Variants in VSX1 observed in about 807,000 individuals in gnomAD.
VSX1 encodes the protein homeodomain protein RINX.
VSX1 carries 23 observed loss-of-function variants against 23.6 expected under a neutral mutation model. The observed-to-expected ratio is 0.97, with a 90% CI of 0.70 to 1.38. The LOEUF (loss-of-function observed/expected upper bound fraction) is 1.38. VSX1 is among the 40% of genes most tolerant of loss of function. VSX1 has a pLI of 0.00. For synonymous variants in VSX1, 247 were observed against 215.1 expected (o/e 1.15, Z -1.30); for missense variants, 517 against 495.4 (o/e 1.04, Z -0.41).
intron 1 of VSX1, among the ~76,000 whole-genome samples, chr20:25,080,419 C>G (rs1463314906): frequency 6.6e-6 from 1 of 152,164 alleles, no homozygotes; most frequent in Non-Finnish European, 1.5e-5. Flanking sequence ...CCAGTAAGAT[C>G]AAGACATGCT....
chr20:25,081,343 C>T (rs550301891), intron 1 of VSX1: 3 of 593,492 alleles, frequency 5.1e-6, no homozygotes, highest in South Asian at 1.4e-5. Flanking sequence ...CGGAGACTGG[C>T]GCCTGGCGCT....
At chr20:25,073,670 C>G (rs4813546), downstream of VSX1, among the ~76,000 whole-genome samples, 44,596 of 152,042 alleles carry the variant, frequency 0.29, 7,537 homozygotes, top group African/African-American at 0.45. Flanking sequence ...GAGTGAGAGA[C>G]GGTCTGCTAG....
At chr20:25,074,205 G>A (rs1260345417), downstream of VSX1, among the ~76,000 whole-genome samples, 1 of 152,188 alleles carries the variant, frequency 6.6e-6, no homozygotes, top group Admixed American at 6.5e-5. Context: ...AGAAAAATGA[G>A]TGTTCTGCTG....
chr20:25,079,945 T>C (rs969875329), intron 1 of VSX1, among the ~76,000 whole-genome samples: 3 of 152,134 alleles, frequency 2.0e-5, no homozygotes, highest in South Asian at 4.1e-4. Flanking sequence ...CCCAGCCTCA[T>C]CATCTTAACC....
At chr20:25,081,207 C>T (rs1212245088) in intron 1 of VSX1, among the ~76,000 whole-genome samples, 1 of 150,930 alleles carries the variant, frequency 6.6e-6, no homozygotes, top group South Asian at 2.1e-4. Context: ...GCTCGAGGCC[C>T]CGTACTCTTC....
At position 25,077,704 on chromosome 20, in the gene VSX1, G is replaced by A. The variant is rs776706739; in HGVS notation, c.789C>T (p.Ser263=). The change falls in exon 4 of 5, where the codon TCC becomes TCT. Residue 263 remains serine (S), a synonymous_variant. Coordinates refer to ENST00000376709, the MANE Select transcript of VSX1 (RefSeq NM_014588.6). ...LNSAEGGLLG[S]CAPWLLGMHK... is the part of the protein sequence containing the mutation. ...CCTTACCCAGGAGCCAGGGCGCGCA[G>A]GAGCCCAGCAGGCCGCCCTCGGCGG... is the stretch of plus-strand genomic sequence containing the variant. The A allele has an allele frequency of 1.9e-4, 299 of 1,549,296 alleles. No homozygotes were observed. The highest frequency in any genetic ancestry group is 2.5e-4 in the Non-Finnish European group (281 of 1,146,816).
downstream of VSX1, chr20:25,072,620 C>A (rs1237649873): frequency 2.1e-6 from 1 of 471,182 alleles, no homozygotes; most frequent in South Asian, 1.5e-5. Flanking sequence ...CACTTCATTT[C>A]TCTGCAGCCC....
chr20:25,078,952 C>T lies in VSX1; in HGVS notation c.504G>A (p.Arg168=). The T allele has an allele frequency of 1.9e-6, 3 of 1,613,534 alleles. No homozygotes were observed. In the South Asian group the frequency reaches 3.3e-5, roughly 18 times the overall value. ...TLGKRKKRRH[R]TVFTAHQLEE... Reference sequence around the variant, plus strand: ...CCAGCTGGTGAGCAGTGAAAACTGTCCTGCAAGGACCCCAAAACACACAGG... The same window carrying T: ...CCAGCTGGTGAGCAGTGAAAACTGTTCTGCAAGGACCCCAAAACACACAGG... The change falls in exon 3 of 5, where the codon AGG becomes AGA. Residue 168 remains arginine, a splice_region_variant and synonymous_variant. Transcript: ENST00000376709.
intron 1 of VSX1, among the ~76,000 whole-genome samples, chr20:25,080,555 A>T (rs1426466152): frequency 6.6e-6 from 1 of 152,244 alleles, no homozygotes; most frequent in East Asian, 1.9e-4. Context: ...TAGTATTTAG[A>T]TTCATTTCAC....
intron 1 of VSX1, among the ~76,000 whole-genome samples, chr20:25,080,870 TG>T (rs2089624709): frequency 6.6e-6 from 1 of 152,242 alleles, no homozygotes; most frequent in African/African-American, 2.4e-5. Flanking sequence ...CTTTTTGCCT[TG>T]GCTGCCTGGA....
intron 1 of VSX1, chr20:25,081,434 G>C (rs757074771): frequency 1.8e-5 from 14 of 771,476 alleles, no homozygotes; most frequent in Non-Finnish European, 2.1e-5. Context: ...ACCAGGTGGT[G>C]GCGGTCTCAC....
intron 1 of VSX1, 121 bp from the exon 2 acceptor site, chr20:25,079,635 G>T: frequency 9.7e-7 from 1 of 1,029,194 alleles, no homozygotes. Flanking sequence ...TACAGTATGA[G>T]CCAGCATTTT....
chr20:25,080,147 C>T (rs556896403), intron 1 of VSX1, among the ~76,000 whole-genome samples: 1 of 152,288 alleles, frequency 6.6e-6, no homozygotes, highest in East Asian at 1.9e-4. Context: ...TGTGCTTTAC[C>T]TTTTTATATC....
rs1568866456 is a variant in VSX1, at chr20:25,081,758, GC to G, written c.338del (p.Gly113AlafsTer41). 2 of 1,499,532 alleles carry G rather than the reference GC, an allele frequency of 1.3e-6. No homozygotes were observed. The highest frequency in any genetic ancestry group is 1.8e-6 in the Non-Finnish European group (2 of 1,132,658). The allele number at this position is 1,499,532 out of a possible 1,614,324, so 92.9% of individuals were successfully genotyped here. ...GAGCCAGCGGGGCAGCGGGCTCGGG[GC>G]CCCTGGGCGGCAGGAACGGCACGTC... ...LADVPFLPPR[G>X]PEPAAPLAPS... On this transcript the variant is annotated frameshift_variant, in exon 1 of 5. Coordinates refer to ENST00000376709, the MANE Select transcript of VSX1 (RefSeq NM_014588.6). LOFTEE classifies it high-confidence loss of function.
intron 4 of VSX1, among the ~76,000 whole-genome samples, chr20:25,077,345 C>T (rs1000104257): frequency 6.6e-6 from 1 of 152,184 alleles, no homozygotes; most frequent in African/African-American, 2.4e-5. Flanking sequence ...TTACCAAGTG[C>T]CCTAAATTGT....
At chr20:25,077,659 G>A (rs772148599) in intron 4 of VSX1, 26 bp downstream of exon 4, 2 of 1,542,222 alleles carry the variant, frequency 1.3e-6, no homozygotes, top group African/African-American at 1.4e-5. Context: ...ACCTCGAGCC[G>A]TGCGATCCCG....
rs938480751 is a variant in VSX1 at position 25,081,825 on chromosome 20, T to G, written c.272A>C (p.Gln91Pro). Reference sequence around the variant, plus strand: ...GGGTGCTCGAGCGGCCGCCGGCGGCTGCGTGCCGAAGCCACAGAGGAGGCC... The same window carrying G: ...GGGTGCTCGAGCGGCCGCCGGCGGCGGCGTGCCGAAGCCACAGAGGAGGCC... ...GLGLLCGFGTQPPAAARAPCL... is the reference protein window; with the variant it reads ...GLGLLCGFGTPPPAAARAPCL... The change falls in exon 1 of 5, where the codon CAG becomes CCG. Residue 91 changes from glutamine to proline, a missense_variant. By Grantham distance (76) the Gln-to-Pro change is moderately conservative. Transcript: ENST00000376709. 6.6e-7 allele frequency: 1 copy of G among 1,504,732 alleles called. No individual in the cohort carries two copies. The highest frequency in any genetic ancestry group is 1.2e-5 in the South Asian group (1 of 80,992). 93.2% of individuals were successfully genotyped at this position (1,504,732 alleles called of 1,614,324 possible).
At chr20:25,073,111 C>A (rs1243839701), downstream of VSX1, among the ~76,000 whole-genome samples, 1 of 152,120 alleles carries the variant, frequency 6.6e-6, no homozygotes, top group African/African-American at 2.4e-5. Flanking sequence ...GAGAACCACG[C>A]AGGAGTCACT....
In VSX1 at chr20:25,077,783, A is replaced by G. The variant is rs143704357; in HGVS notation, c.710T>C (p.Leu237Pro). ...GCAGTGGCGCACCATGGCCCCGTAC[A>G]GCCCGTACTCGGCCATCACGCTGCT... ...GGSSVMAEYG[L>P]YGAMVRHCIP... The change falls in exon 4 of 5, where the codon CTG (leucine) becomes CCG (proline). Residue 237 changes from leucine (L) to proline (P), a missense_variant. Physicochemically the swap from Leu to Pro is moderately conservative, Grantham distance 98. Transcript: ENST00000376709. 6.4e-7 allele frequency: 1 copy of G among 1,551,082 alleles called. No individual in the cohort carries two copies. Among genetic ancestry groups the G allele is most frequent in the African/African-American group, 1.4e-5 (1 of 73,174 alleles).
Sources: gnomAD v4.1 joint callset for allele counts (sites outside exome capture counted in the v4.1 genomes callset) on GRCh38, gnomAD v4.1.1 for gene constraint, MANE v1.5 for transcripts, NCBI Gene and HGNC (gene_info 2026-07-23, HGNC 2026-07-21) for gene names.